Variants in CUX1 observed in about 807,000 individuals in gnomAD.
The protein encoded by CUX1 is cut like homeobox 1.
CUX1 carries 31 observed loss-of-function variants against 158.8 expected under a neutral mutation model. The observed-to-expected ratio is 0.20, with a 90% confidence interval of 0.15 to 0.26. CUX1 has a LOEUF of 0.26. Among genes scored for constraint, CUX1 ranks in the 10% least tolerant of loss-of-function variants. The probability of loss-of-function intolerance (pLI) is 1.00; values close to 1 mark genes in which losing one functional copy is unlikely to be tolerated. For missense variants in CUX1, 1,589 were observed against 2,014.6 expected (o/e 0.79, Z 4.04); for synonymous variants, 879 against 862.1 (o/e 1.02, Z -0.34).
rs1554518361 is a variant in CUX1 at position 102,196,557 on chromosome 7, C to T, written c.1223-77C>T. ...TTGTTTTCCCTTTTGCGGGGGCAAA[C>T]TTTTGCATTTTGGTCTTGGTTTTTT... On this transcript the variant is annotated intron_variant, in intron 14 of 23. Transcript: ENST00000292535. The T allele has an allele frequency of 7.3e-6, 10 of 1,365,492 alleles. No individual in the cohort carries two copies. The Admixed American group carries it at 2.5e-4, about 35-fold the overall frequency. The allele number at this position is 1,365,492 out of a possible 1,614,324, so 84.6% of individuals were successfully genotyped here.
At chr7:102,205,502 G>A (rs75751319) in intron 20 of CUX1, among the ~76,000 whole-genome samples, 1,734 of 152,250 alleles carry the variant, frequency 0.011, 35 homozygotes, top group African/African-American at 0.039. Context: ...GATAAAGCAC[G>A]GGCACACGTC....
At chr7:102,283,328 A>C in exon 23 of CUX1, 2 of 536,354 alleles carry the variant, frequency 3.7e-6, no homozygotes, top group Non-Finnish European at 6.8e-6. Flanking sequence ...AGCCGCAGAG[A>C]CCCTCTCAGC....
At chr7:102,045,407 G>GCTGCCGCCA (rs1444550634) in intron 3 of CUX1, among the ~76,000 whole-genome samples, 1 of 152,248 alleles carries the variant, frequency 6.6e-6, no homozygotes, top group African/African-American at 2.4e-5. Flanking sequence ...CCCGCCCGGC[G>GCTGCCGCCA]CTGCCGCCAC....
At chr7:101,961,043 A>C (rs1270298068) in intron 2 of CUX1, 1 of 152,282 alleles carries the variant, frequency 6.6e-6, no homozygotes, top group Non-Finnish European at 1.5e-5. Context: ...GCCCTCCATG[A>C]GATTCCAAAA....
rs782290375 is a variant in CUX1, at chr7:102,201,557, G to A, written c.2260G>A (p.Val754Met). Residue 754 changes from valine (V) to methionine (M), a missense_variant, in exon 18 of 24, where the codon GTG becomes ATG. Val to Met is a conservative substitution (Grantham distance 21, BLOSUM62 1). Around this residue, in one of 8 missense-constraint regions of CUX1, gnomAD observed 337 missense variants for 409.3 expected, o/e 0.82. Transcript: ENST00000292535. This position sits in a 1 kb window ranked among gnomAD's most constrained non-coding sequence, Gnocchi z 5.0. ...TCTGTCCACCTCGCCCATGCCCACC[G>A]TGTCCAGCTACCCACCTCTCGCCAT... ...KLLSTSPMPT[V>M]SSYPPLAISL... is the part of the protein sequence containing the mutation. 23 of 1,613,966 alleles carry A rather than the reference G, an allele frequency of 1.4e-5. No individual in the cohort carries two copies. Among genetic ancestry groups the A allele is most frequent in the East Asian group, 8.9e-5 (4 of 44,870 alleles).
Position 102,201,488 on chromosome 7 carries a change from G to A in CUX1, c.2191G>A (p.Ala731Thr), listed in dbSNP as rs141308717. Residue 731 changes from alanine (A) to threonine (T), a missense_variant, in exon 18 of 24, where the codon GCA becomes ACA. By Grantham distance (58) the Ala-to-Thr change is moderately conservative. This residue lies in a region of CUX1 where 337 missense variants were observed against 409.3 expected (regional missense o/e 0.82). Transcript: ENST00000292535. The surrounding 1 kb of genome is among the most constrained non-coding windows in gnomAD (Gnocchi z 5.0). ...QAALDPALKQ[A>T]PLSQSDITIL... is the part of the protein sequence containing the mutation. ...TGCCCTCGACCCTGCCTTAAAGCAG[G>A]CACCACTGTCCCAGAGTGACATCAC... is the stretch of plus-strand genomic sequence containing the variant. 3.0e-5 allele frequency: 49 copies of A among 1,614,116 alleles called. No homozygotes were observed. The Middle Eastern group carries it at 4.9e-4, about 16-fold the overall frequency.
At chr7:101,967,163 T>C (rs1227419674) in intron 2 of CUX1, among the ~76,000 whole-genome samples, 2 of 151,960 alleles carry the variant, frequency 1.3e-5, no homozygotes, top group Non-Finnish European at 2.9e-5. Flanking sequence ...ACAGGTGCCC[T>C]CCACTTATGC....
chr7:101,816,529 C>T (rs1223560127), upstream of CUX1, among the ~76,000 whole-genome samples: 7 of 140,476 alleles, frequency 5.0e-5, no homozygotes, highest in African/African-American at 1.8e-4. Flanking sequence ...GGGGGGCGGG[C>T]GGCGGCGGGC....
At position 102,251,056 on chromosome 7, in the gene CUX1, G is replaced by A. The variant is rs1801459989; in HGVS notation, c.*2014G>A. 2.0e-6 allele frequency: 2 copies of A among 984,968 alleles called. No individual in the cohort carries two copies. Among genetic ancestry groups the A allele is most frequent in the Non-Finnish European group, 2.4e-6 (2 of 829,690 alleles). 61.0% of individuals were successfully genotyped at this position (984,968 alleles called of 1,614,324 possible). ...TGAAAGGGGCAAATATTCTTTAGAGGGATAGACTGCCGGCAGTATTGGGTA... is the reference window on the plus strand; with the variant it reads ...TGAAAGGGGCAAATATTCTTTAGAGAGATAGACTGCCGGCAGTATTGGGTA... On this transcript the variant is annotated 3_prime_UTR_variant, in exon 24 of 24. Transcript: ENST00000292535.
chr7:102,248,533 AGCTGCGACG>A lies in CUX1; in HGVS notation c.4012_4020del (p.Cys1338_Gly1340del). ...GGCGGCGCCCAGCTCGGAGGGCGAC[AGCTGCGACG>A]GCGTGGAGGCCACTGAGGGCCCAGG... is the stretch of plus-strand genomic sequence containing the variant. On this transcript the variant is annotated inframe_deletion, in exon 24 of 24. Coordinates refer to ENST00000292535, the MANE Select transcript of CUX1 (RefSeq NM_181552.4). This position sits in a 1 kb window ranked among gnomAD's most constrained non-coding sequence, Gnocchi z 5.8. 1 of 1,519,150 alleles carries A rather than the reference AGCTGCGACG, an allele frequency of 6.6e-7. No homozygotes were observed. The highest frequency in any genetic ancestry group is 8.8e-7 in the Non-Finnish European group (1 of 1,136,972). 94.1% of individuals were successfully genotyped at this position (1,519,150 alleles called of 1,614,324 possible). A position where few individuals can be genotyped will look rare whatever the true frequency, so the allele number is the denominator to read the frequency against.
intron 14 of CUX1, 63 bp downstream of exon 14, chr7:102,195,666 C>T (rs1319483433): frequency 7.7e-6 from 11 of 1,437,888 alleles, no homozygotes; most frequent in Admixed American, 4.1e-5. Context: ...CGGTCGAGGA[C>T]GAGGAAGGTG....
chr7:101,935,928 A>C (rs905614952), intron 2 of CUX1, among the ~76,000 whole-genome samples: 3 of 152,188 alleles, frequency 2.0e-5, no homozygotes, highest in Non-Finnish European at 4.4e-5. Flanking sequence ...GTGGAGCCGG[A>C]ACAGCTGAGA....
chr7:102,182,285 C>T (rs1361592148), intron 11 of CUX1, among the ~76,000 whole-genome samples: 32 of 152,222 alleles, frequency 2.1e-4, no homozygotes, highest in African/African-American at 7.7e-4. Context: ...GCTTATTGGG[C>T]AGAATCTTTT....
chr7:102,122,010 C>A (rs1241461225), intron 8 of CUX1, among the ~76,000 whole-genome samples: 2 of 152,088 alleles, frequency 1.3e-5, no homozygotes, highest in Non-Finnish European at 2.9e-5. Context: ...AACAATAATT[C>A]CTCATGAAAG....
chr7:102,278,680 AAAAT>A (rs1335840700), intron 18 of CUX1, among the ~76,000 whole-genome samples: 5 of 147,198 alleles, frequency 3.4e-5, no homozygotes, highest in Admixed American at 6.8e-5. Context: ...AATATAAAAT[AAAAT>A]AAATAAAATA....
intron 7 of CUX1, among the ~76,000 whole-genome samples, chr7:102,112,865 T>A (rs1181969059): frequency 6.6e-6 from 1 of 152,192 alleles, no homozygotes; most frequent in Non-Finnish European, 1.5e-5. Flanking sequence ...TCACCATGTA[T>A]TTCATTTAAA....
rs1172562246 is a variant in CUX1 at position 102,252,511 on chromosome 7, T to G, written c.*3469T>G. ...CTCCATTATGCCATTTTAAATGGCT[T>G]CTTTTTGTTAATTGGAGGCATTGTT... On this transcript the variant is annotated 3_prime_UTR_variant, in exon 24 of 24. Coordinates refer to ENST00000292535, the MANE Select transcript of CUX1 (RefSeq NM_181552.4). The G allele has an allele frequency of 1.0e-6, 1 of 985,376 alleles. No homozygotes were observed. Among genetic ancestry groups the G allele is most frequent in the Non-Finnish European group, 1.2e-6 (1 of 829,954 alleles). 61.0% of individuals were successfully genotyped at this position (985,376 alleles called of 1,614,324 possible).
chr7:102,227,951 CT>C lies in CUX1; in HGVS notation c.3433+301del, dbSNP rs781968632. On this transcript the variant is annotated intron_variant, in intron 21 of 23. Transcript: ENST00000292535. ...TCCACACAGACTGTCTCTTTTTTTTCTTTTTTTTTTTTTTTTTTTGAGACAG... is the reference window on the plus strand; with the variant it reads ...TCCACACAGACTGTCTCTTTTTTTTCTTTTTTTTTTTTTTTTTTGAGACAG... Among the ~76,000 whole-genome samples, 111 of 117,312 alleles carry C rather than the reference CT, an allele frequency of 9.5e-4. 1 individual carries two copies. The highest frequency in any genetic ancestry group is 1.5e-3 in the African/African-American group (47 of 31,140). The allele number at this position is 117,312 out of a possible 152,430, so 77.0% of individuals were successfully genotyped here.
At chr7:102,014,685 C>T (rs143209656) in intron 2 of CUX1, among the ~76,000 whole-genome samples, 2 of 152,206 alleles carry the variant, frequency 1.3e-5, no homozygotes, top group East Asian at 1.9e-4. Flanking sequence ...AGTCTCTGAG[C>T]GTCTTTAAAC....
Sources: gnomAD v4.1 joint callset for allele counts (sites outside exome capture counted in the v4.1 genomes callset) on GRCh38, gnomAD v4.1.1 for gene constraint, gnomAD v4.1.1 regional missense constraint, Gnocchi (gnomAD v3.1) non-coding constraint, MANE v1.5 for transcripts, NCBI Gene and HGNC (gene_info 2026-07-23, HGNC 2026-07-21) for gene names.